LRRC4B: variants seen among roughly 807,000 people sequenced by gnomAD.
LRRC4B encodes the protein leucine-rich repeat-containing protein 4B.
In LRRC4B, 1 loss-of-function variant was observed where a neutral mutation model predicts 7.3. That is an observed-to-expected ratio of 0.14 (90% CI 0.05 to 0.65). The LOEUF (loss-of-function observed/expected upper bound fraction) is 0.65, where lower values mean the gene tolerates loss of function less well. Ranked by LOEUF, LRRC4B falls within the 30% of genes least tolerant of loss-of-function variation. The probability of loss-of-function intolerance (pLI) is 0.84; values close to 1 mark genes in which losing one functional copy is unlikely to be tolerated. For synonymous variants in LRRC4B, 500 were observed against 499.2 expected, an observed-to-expected ratio of 1.00 and a Z score of -0.02; for missense variants, 730 against 1,041.6, an observed-to-expected ratio of 0.70 and a Z score of 4.12.
intron 1 of LRRC4B, among the ~76,000 whole-genome samples, chr19:50,561,478 A>G (rs2122930347): frequency 6.6e-6 from 1 of 152,190 alleles, no homozygotes; most frequent in East Asian, 1.9e-4. Context: ...TCATGCCTGT[A>G]ATCCCAGCAC....
At chr19:50,538,463 T>A (rs1234345986) in intron 2 of LRRC4B, among the ~76,000 whole-genome samples, 1 of 152,072 alleles carries the variant, frequency 6.6e-6, no homozygotes, top group Admixed American at 6.5e-5. Flanking sequence ...GCCTGGAAAA[T>A]GCGAACTAGT....
At chr19:50,545,184 G>GATC (rs1011495249) in intron 2 of LRRC4B, among the ~76,000 whole-genome samples, 41 of 151,658 alleles carry the variant, frequency 2.7e-4, no homozygotes, top group Middle Eastern at 3.4e-3. Flanking sequence ...GAGGCGGGCA[G>GATC]ATCATCTGAG....
At position 50,518,397 on chromosome 19, in the gene LRRC4B, G is replaced by A. The variant is rs755405079; in HGVS notation, c.1316C>T (p.Thr439Met). 13 of 1,581,996 alleles carry A rather than the reference G, an allele frequency of 8.2e-6. No individual in the cohort carries two copies. The Admixed American group carries it at 1.1e-4, about 13-fold the overall frequency. The change falls in exon 3 of 3, where the codon ACG (threonine) becomes ATG (methionine). Residue 439 changes from threonine to methionine, a missense_variant. Transcript: ENST00000652263. ...GGCGGTGGTGTTGCCGGCTGAGTTC[G>A]TCACCATGCACGTGTACTGGCCCGT... Reference protein sequence around the residue: ...QDTGQYTCMVTNSAGNTTASA... With the variant: ...QDTGQYTCMVMNSAGNTTASA...
At position 50,518,810 on chromosome 19, in the gene LRRC4B, G is replaced by C; in HGVS notation, c.903C>G (p.His301Gln). Residue 301 changes from histidine to glutamine, a missense_variant, in exon 3 of 3, where the codon CAC becomes CAG. His to Gln is a conservative substitution (Grantham distance 24, BLOSUM62 0). This residue lies in a region of LRRC4B where 226 missense variants were observed against 448.0 expected (regional missense o/e 0.50). Coordinates refer to ENST00000652263, the MANE Select transcript of LRRC4B (RefSeq NM_001080457.2). Reference sequence around the variant, plus strand: ...GGTTGAGGTGCACGCGCTCGAGGCGGTGCAGGGGCGTGAAGAGGTCGTGGG... The same window carrying C: ...GGTTGAGGTGCACGCGCTCGAGGCGCTGCAGGGGCGTGAAGAGGTCGTGGG... ...SLPHDLFTPL[H>Q]RLERVHLNHN... 1 of 1,614,114 alleles carries C rather than the reference G, an allele frequency of 6.2e-7. No individual in the cohort carries two copies. The highest frequency in any genetic ancestry group is 8.5e-7 in the Non-Finnish European group (1 of 1,179,994).
At chr19:50,528,818 G>A (rs932344437) in intron 2 of LRRC4B, among the ~76,000 whole-genome samples, 2 of 152,158 alleles carry the variant, frequency 1.3e-5, no homozygotes, top group Non-Finnish European at 2.9e-5. Flanking sequence ...GGATGGGCTC[G>A]GGCAGGCCTT....
chr19:50,545,715 T>C (rs1191686055), intron 2 of LRRC4B, among the ~76,000 whole-genome samples: 1 of 131,878 alleles, frequency 7.6e-6, no homozygotes, highest in East Asian at 2.0e-4. Context: ...AACTAAAGAG[T>C]TATTACTTTT....
intron 2 of LRRC4B, among the ~76,000 whole-genome samples, chr19:50,544,609 T>C (rs1238367757): frequency 1.3e-5 from 2 of 151,706 alleles, no homozygotes; most frequent in Non-Finnish European, 2.9e-5. Context: ...TGTGCATGGG[T>C]GGGGAGGGTG....
rs1041319366 is a variant in LRRC4B, at chr19:50,553,438, C to T, written c.-35-4565G>A. Among the ~76,000 whole-genome samples, 4 of 152,330 alleles carry T rather than the reference C, an allele frequency of 2.6e-5. No homozygotes were observed. In the South Asian group the frequency reaches 6.2e-4, roughly 24 times the overall value. On this transcript the variant is annotated intron_variant, in intron 1 of 2. Transcript: ENST00000652263. This position sits in a 1 kb window ranked among gnomAD's most constrained non-coding sequence, Gnocchi z 4.2. ...TCCTCCCCCTGCTCACTCGCTGTTT[C>T]CAGAACAGGCCGTGCACACCCCGGC...
rs922249517 is a variant in LRRC4B, at chr19:50,556,008, A to T, written c.-35-7135T>A. Among the ~76,000 whole-genome samples the T allele has an allele frequency of 5.3e-5, 8 of 152,010 alleles. No individual in the cohort carries two copies. Among genetic ancestry groups the T allele is most frequent in the Admixed American group, 2.0e-4 (3 of 15,254 alleles). On this transcript the variant is annotated intron_variant, in intron 1 of 2. Transcript: ENST00000652263. This position sits in a 1 kb window ranked among gnomAD's most constrained non-coding sequence, Gnocchi z 4.2. ...AGAGACCCGGGTTCTGGGGGAGGGG[A>T]CAGGCAGCGCTGGCGTTCTGAGCCA... is the stretch of plus-strand genomic sequence containing the variant.
intron 2 of LRRC4B, among the ~76,000 whole-genome samples, chr19:50,522,669 G>A (rs1012243052): frequency 3.3e-5 from 5 of 151,966 alleles, no homozygotes; most frequent in Non-Finnish European, 5.9e-5. Flanking sequence ...GTAGAGACAG[G>A]GTTTTGCCAT....
chr19:50,518,126 G>A lies in LRRC4B; in HGVS notation c.1587C>T (p.Asp529=), dbSNP rs747478425. 10 of 1,592,870 alleles carry A rather than the reference G, an allele frequency of 6.3e-6. No individual in the cohort carries two copies. The highest frequency in any genetic ancestry group is 1.1e-5 in the South Asian group (1 of 89,466). The part of the protein sequence containing the change: ...DGVWGGGRPG[D]AAGPASSSTT... ...TAGAAGACGAGGCAGGGCCGGCCGCGTCCCCAGGCCGGCCCCCACCCCAGA... is the reference window on the plus strand; with the variant it reads ...TAGAAGACGAGGCAGGGCCGGCCGCATCCCCAGGCCGGCCCCCACCCCAGA... The change falls in exon 3 of 3, where the codon GAC becomes GAT. Residue 529 remains aspartate, a synonymous_variant. Coordinates refer to ENST00000652263, the MANE Select transcript of LRRC4B (RefSeq NM_001080457.2).
In LRRC4B at chr19:50,563,422, A is replaced by C. The variant is rs1018350786; in HGVS notation, c.-36+4522T>G. Among the ~76,000 whole-genome samples the C allele has an allele frequency of 6.6e-6, 1 of 152,122 alleles. No homozygotes were observed. Among genetic ancestry groups the C allele is most frequent in the African/African-American group, 2.4e-5 (1 of 41,440 alleles). On this transcript the variant is annotated intron_variant, in intron 1 of 2. Coordinates refer to ENST00000652263, the MANE Select transcript of LRRC4B (RefSeq NM_001080457.2). This position sits in a 1 kb window ranked among gnomAD's most constrained non-coding sequence, Gnocchi z 4.9. ...TCCCGTACCCCACCAGAGAGGACACAAAGACGTGCCCCCTTCACCCAGCAA... is the reference window on the plus strand; with the variant it reads ...TCCCGTACCCCACCAGAGAGGACACCAAGACGTGCCCCCTTCACCCAGCAA...
At chr19:50,565,437 GCTGA>G (rs1479425372) in intron 1 of LRRC4B, among the ~76,000 whole-genome samples, 1 of 152,142 alleles carries the variant, frequency 6.6e-6, no homozygotes. Context: ...CTGACCACTG[GCTGA>G]CTGAGTGTGG....
At chr19:50,552,052 C>A (rs1353074630) in intron 1 of LRRC4B, among the ~76,000 whole-genome samples, 2 of 151,984 alleles carry the variant, frequency 1.3e-5, no homozygotes, top group East Asian at 1.9e-4. Context: ...TCGGGGGAAG[C>A]GGGGGAGGAA....
At chr19:50,565,976 TG>T (rs1467428967) in intron 1 of LRRC4B, among the ~76,000 whole-genome samples, 3 of 152,138 alleles carry the variant, frequency 2.0e-5, no homozygotes, top group African/African-American at 7.2e-5. Context: ...TTCCCTTCCT[TG>T]GGTCTCTCTC....
In LRRC4B at chr19:50,518,057, C is replaced by T. The variant is rs536138658; in HGVS notation, c.1656G>A (p.Ala552=). Residue 552 remains alanine, a synonymous_variant, in exon 3 of 3, where the codon GCG becomes GCA. Coordinates refer to ENST00000652263, the MANE Select transcript of LRRC4B (RefSeq NM_001080457.2). ...TCACATCCGTGATGGGCACCGTGAACGCCTTCTCCGTGGGCCGCGAGGAGC... is the reference window on the plus strand; with the variant it reads ...TCACATCCGTGATGGGCACCGTGAATGCCTTCTCCGTGGGCCGCGAGGAGC... The part of the protein sequence containing the change: ...APRSSRPTEK[A]FTVPITDVTE... 104 of 1,584,608 alleles carry T rather than the reference C, an allele frequency of 6.6e-5. 1 individual carries two copies. The South Asian group carries it at 1.1e-3, about 17-fold the overall frequency.
intron 1 of LRRC4B, among the ~76,000 whole-genome samples, chr19:50,550,105 C>G (rs1011438784): frequency 2.0e-5 from 3 of 152,180 alleles, no homozygotes; most frequent in African/African-American, 7.2e-5. Flanking sequence ...TCCCGGTCAT[C>G]TCATGTGAGC....
Position 50,519,514 on chromosome 19 carries a change from C to G in LRRC4B, c.298-99G>C. On this transcript the variant is annotated intron_variant, in intron 2 of 2. Coordinates refer to ENST00000652263, the MANE Select transcript of LRRC4B (RefSeq NM_001080457.2). The surrounding 1 kb of genome is among the most constrained non-coding windows in gnomAD (Gnocchi z 8.1). ...CGCAGGTGGGGCCGTGTGGCTGGAT[C>G]TCCCGTGCTGTGCTGTGACGGTACG... The G allele has an allele frequency of 6.9e-7, 1 of 1,449,130 alleles. No individual in the cohort carries two copies. 89.8% of individuals were successfully genotyped at this position (1,449,130 alleles called of 1,614,324 possible).
At chr19:50,558,202 C>A (rs938951712) in intron 1 of LRRC4B, among the ~76,000 whole-genome samples, 2 of 131,360 alleles carry the variant, frequency 1.5e-5, no homozygotes, top group African/African-American at 8.0e-5. Context: ...TGTATACATA[C>A]ACACACACAC....
Sources: gnomAD v4.1 joint callset for allele counts (sites outside exome capture counted in the v4.1 genomes callset) on GRCh38, gnomAD v4.1.1 for gene constraint, gnomAD v4.1.1 regional missense constraint, Gnocchi (gnomAD v3.1) non-coding constraint, MANE v1.5 for transcripts, NCBI Gene and HGNC (gene_info 2026-07-23, HGNC 2026-07-21) for gene names.